MLKL: variants seen among roughly 807,000 people sequenced by gnomAD.
The protein encoded by MLKL is mixed lineage kinase domain-like protein.
In MLKL, 55 loss-of-function variants were observed where a neutral mutation model predicts 56.5. That is an observed-to-expected ratio of 0.97 (90% CI 0.78 to 1.22). MLKL has a LOEUF of 1.22. Among genes scored for constraint, MLKL ranks in the 50% most tolerant of loss-of-function variants. The pLI is 0.00. For missense variants in MLKL, 694 were observed against 573.9 expected (o/e 1.21, Z -2.14); for synonymous variants, 251 against 208.3 (o/e 1.20, Z -1.76).
chr16:74,688,222 G>A (rs1206453681), intron 4 of MLKL, among the ~76,000 whole-genome samples: 6 of 151,942 alleles, frequency 3.9e-5, no homozygotes, highest in East Asian at 1.9e-4. Context: ...CACCTGCCTC[G>A]GCCTCCCAAA....
intron 1 of MLKL, among the ~76,000 whole-genome samples, chr16:74,699,907 G>A (rs11862604): frequency 0.14 from 20,913 of 151,936 alleles, 1,731 homozygotes; most frequent in East Asian, 0.42. Flanking sequence ...GTGCCACTGC[G>A]CTCCAGCCTG....
rs763327142 is a variant in MLKL, at chr16:74,691,376, A to G, written c.623T>C (p.Leu208Pro). Residue 208 changes from leucine to proline, a missense_variant, in exon 4 of 11, where the codon CTG becomes CCG. Coordinates refer to ENST00000308807, the MANE Select transcript of MLKL (RefSeq NM_152649.4). Reference sequence around the variant, plus strand: ...TGTGCTGACTTCATTTTCCCTTAGCAGAATCCACGGGGATCCTGAAAGCTG... The same window carrying G: ...TGTGCTGACTTCATTTTCCCTTAGCGGAATCCACGGGGATCCTGAAAGCTG... ...KEQLSGSPWILLRENEVSTLY... is the reference protein window; with the variant it reads ...KEQLSGSPWIPLRENEVSTLY... 9.9e-6 allele frequency: 16 copies of G among 1,614,012 alleles called. No individual in the cohort carries two copies. The highest frequency in any genetic ancestry group is 5.5e-5 in the South Asian group (5 of 91,084).
At chr16:74,690,624 A>T (rs1166314335) in intron 4 of MLKL, among the ~76,000 whole-genome samples, 2 of 151,994 alleles carry the variant, frequency 1.3e-5, no homozygotes, top group Non-Finnish European at 2.9e-5. Context: ...TCTACAAAAA[A>T]TTTAAATATT....
chr16:74,699,284 T>TA (rs749020425), intron 1 of MLKL, among the ~76,000 whole-genome samples: 1 of 152,186 alleles, frequency 6.6e-6, no homozygotes, highest in Non-Finnish European at 1.5e-5. Context: ...ATAAAACATC[T>TA]ACTGACATAT....
Position 74,675,760 on chromosome 16 carries a change from G to C in MLKL, c.1043C>G (p.Ala348Gly). Residue 348 changes from alanine (A) to glycine (G), a missense_variant, in exon 8 of 11, where the codon GCA becomes GGA. By Grantham distance (60) the Ala-to-Gly change is moderately conservative. Transcript: ENST00000308807. Reference protein sequence around the residue: ...LVTQGYQVKLAGFELRKTQTS... With the variant: ...LVTQGYQVKLGGFELRKTQTS... ...CTGTGTTTTCCTCAACTCAAATCCTGCAAGCTAGATAGAGAGGCAACTTAG... is the reference window on the plus strand; with the variant it reads ...CTGTGTTTTCCTCAACTCAAATCCTCCAAGCTAGATAGAGAGGCAACTTAG... The C allele has an allele frequency of 6.2e-7, 1 of 1,613,970 alleles. No individual in the cohort carries two copies. The highest frequency in any genetic ancestry group is 8.5e-7 in the Non-Finnish European group (1 of 1,179,980).
intron 1 of MLKL, among the ~76,000 whole-genome samples, chr16:74,699,804 G>A (rs1171786939): frequency 1.3e-5 from 2 of 152,070 alleles, no homozygotes; most frequent in Non-Finnish European, 2.9e-5. Context: ...ATTGGGTGTG[G>A]TGATGTGCAC....
chr16:74,699,112 C>G (rs1463098703), intron 1 of MLKL, among the ~76,000 whole-genome samples: 1 of 150,672 alleles, frequency 6.6e-6, no homozygotes, highest in Non-Finnish European at 1.5e-5. Flanking sequence ...AACTCCGTCT[C>G]AAAAACAAAA....
intron 5 of MLKL, among the ~76,000 whole-genome samples, chr16:74,683,271 CA>C (rs1960103121): frequency 2.3e-4 from 31 of 136,334 alleles, no homozygotes; most frequent in Admixed American, 1.6e-3. Flanking sequence ...CCAGCCTGGG[CA>C]ACAGAGTGAC....
Position 74,674,966 on chromosome 16 carries a change from C to T in MLKL, c.1375G>A (p.Val459Met), listed in dbSNP as rs777757518. 1.2e-6 allele frequency: 2 copies of T among 1,613,814 alleles called. No individual in the cohort carries two copies. The highest frequency in any genetic ancestry group is 1.7e-6 in the Non-Finnish European group (2 of 1,179,944). ...ACACCAGAAAGAACCCTACCATCCA[C>T]AGAGGGCCGCACAGAGGGATCATGG... ...RAHDPSVRPS[V>M]DEILKKLSTF... Residue 459 changes from valine to methionine, a missense_variant, in exon 10 of 11, where the codon GTG becomes ATG. Physicochemically the swap from Val to Met is conservative, Grantham distance 21. Transcript: ENST00000308807.
chr16:74,679,820 A>T (rs1959826795), intron 6 of MLKL, among the ~76,000 whole-genome samples: 1 of 152,122 alleles, frequency 6.6e-6, no homozygotes, highest in African/African-American at 2.4e-5. Context: ...GTCTCAAAAA[A>T]AAAATAACTC....
Position 74,674,955 on chromosome 16 carries a change from C to G in MLKL, c.1381+5G>C. ...TCACGCTCTTTACACCAGAAAGAAC[C>G]CTACCATCCACAGAGGGCCGCACAG... On this transcript the variant is annotated splice_donor_5th_base_variant and intron_variant, in intron 10 of 10. Transcript: ENST00000308807. 1 of 1,611,956 alleles carries G rather than the reference C, an allele frequency of 6.2e-7. No individual in the cohort carries two copies. The highest frequency in any genetic ancestry group is 8.5e-7 in the Non-Finnish European group (1 of 1,179,436).
intron 3 of MLKL, 117 bp downstream of exon 3, chr16:74,692,225 C>T (rs2144542481): frequency 2.2e-6 from 2 of 927,968 alleles, no homozygotes; most frequent in African/African-American, 1.7e-5. Flanking sequence ...GGGCTGCTTC[C>T]AGCCATCCAG....
At chr16:74,695,036 C>T (rs1344091585) in intron 2 of MLKL, among the ~76,000 whole-genome samples, 1 of 152,084 alleles carries the variant, frequency 6.6e-6, no homozygotes, top group African/African-American at 2.4e-5. Flanking sequence ...CCATGCCCGG[C>T]TAATTTTTTG....
intron 1 of MLKL, among the ~76,000 whole-genome samples, chr16:74,698,336 G>A (rs1036629044): frequency 6.6e-6 from 1 of 152,094 alleles, no homozygotes; most frequent in Non-Finnish European, 1.5e-5. Context: ...TTAGCAGCTT[G>A]GAGAAAATAA....
At chr16:74,680,508 G>GT (rs1415640822) in intron 6 of MLKL, among the ~76,000 whole-genome samples, 1 of 151,194 alleles carries the variant, frequency 6.6e-6, no homozygotes, top group Non-Finnish European at 1.5e-5. Context: ...TTTGTTTTTT[G>GT]TTTTTTGTTT....
At chr16:74,695,190 G>A in intron 2 of MLKL, 108 bp downstream of exon 2, 1 of 1,206,286 alleles carries the variant, frequency 8.3e-7, no homozygotes, top group South Asian at 1.4e-5. Context: ...TGAGGTACAA[G>A]TATATTACAA....
At chr16:74,699,134 A>C (rs1364058364) in intron 1 of MLKL, among the ~76,000 whole-genome samples, 1 of 152,152 alleles carries the variant, frequency 6.6e-6, no homozygotes, top group Non-Finnish European at 1.5e-5. Flanking sequence ...CAAAAACAAA[A>C]AAAAAGAAAG....
intron 2 of MLKL, among the ~76,000 whole-genome samples, chr16:74,693,918 A>G (rs541048319): frequency 1.3e-3 from 205 of 152,228 alleles, no homozygotes; most frequent in African/African-American, 4.8e-3. Context: ...GGTAAATTTT[A>G]TGTTATGTAT....
At chr16:74,691,132 C>G (rs1960646399) in intron 4 of MLKL, 145 bp downstream of exon 4, 3 of 623,252 alleles carry the variant, frequency 4.8e-6, no homozygotes, top group Non-Finnish European at 5.4e-6. Flanking sequence ...TAAGTCAAGA[C>G]TCTGCTCCTT....
Sources: gnomAD v4.1 joint callset for allele counts (sites outside exome capture counted in the v4.1 genomes callset) on GRCh38, gnomAD v4.1.1 for gene constraint, MANE v1.5 for transcripts, NCBI Gene and HGNC (gene_info 2026-07-23, HGNC 2026-07-21) for gene names.